RECK: variants seen among roughly 807,000 people sequenced by gnomAD.
RECK encodes reversion inducing cysteine rich protein with kazal motifs.
A neutral mutation model predicts 115.1 loss-of-function variants in RECK; 69 were observed. That is an observed-to-expected ratio of 0.60 (90% CI 0.49 to 0.73). The LOEUF is 0.73. Ranked by LOEUF, RECK falls within the 30% of genes least tolerant of loss-of-function variation. RECK has a pLI of 0.00. For synonymous variants in RECK, 414 were observed against 419.7 expected, an observed-to-expected ratio of 0.99 and a Z score of 0.17; for missense variants, 1,047 against 1,203.7, an observed-to-expected ratio of 0.87 and a Z score of 1.93.
intron 2 of RECK, 75 bp downstream of exon 2, chr9:36,052,398 C>T: frequency 9.0e-7 from 1 of 1,114,994 alleles, no homozygotes; most frequent in Non-Finnish European, 1.4e-6. Flanking sequence ...TTTGGGAGGC[C>T]AGGGTGGGAG....
rs986851701 is a variant in RECK, at chr9:36,089,903, C to T, written c.906-1261C>T. Reference sequence around the variant, plus strand: ...TAATTCCAGGGTGAGGCAGATGGATCGCCTGAGGTCAAGAGTTCCAGACCA... The same window carrying T: ...TAATTCCAGGGTGAGGCAGATGGATTGCCTGAGGTCAAGAGTTCCAGACCA... On this transcript the variant is annotated intron_variant, in intron 9 of 20. Coordinates refer to ENST00000377966, the MANE Select transcript of RECK (RefSeq NM_021111.3). Among the ~76,000 whole-genome samples, 86 of 151,658 alleles carry T rather than the reference C, an allele frequency of 5.7e-4. 3 individuals are homozygous for T. Among genetic ancestry groups the T allele is most frequent in the Admixed American group, 4.6e-3 (70 of 15,186 alleles).
intron 6 of RECK, 28 bp from the exon 7 acceptor site, chr9:36,080,577 T>C (rs750657818): frequency 6.4e-7 from 1 of 1,568,816 alleles, no homozygotes; most frequent in South Asian, 1.1e-5. Context: ...TGTTAATTTC[T>C]GTTTATTTGT....
intron 8 of RECK, among the ~76,000 whole-genome samples, chr9:36,086,797 A>G (rs112740719): frequency 6.6e-6 from 1 of 152,220 alleles, no homozygotes; most frequent in African/African-American, 2.4e-5. Flanking sequence ...GTTTGTTGCT[A>G]TAAAAATTAG....
chr9:36,042,441 TG>T (rs2132546603), intron 1 of RECK, among the ~76,000 whole-genome samples: 1 of 150,844 alleles, frequency 6.6e-6, no homozygotes, highest in Admixed American at 6.6e-5. Context: ...TGTGTGTGTG[TG>T]TGTGTGTGTG....
chr9:36,073,551 T>C (rs751380710), intron 6 of RECK, among the ~76,000 whole-genome samples: 2 of 152,174 alleles, frequency 1.3e-5, no homozygotes, highest in Admixed American at 6.5e-5. Flanking sequence ...CAAACTAGTT[T>C]TCCTGTGTCT....
intron 1 of RECK, among the ~76,000 whole-genome samples, chr9:36,038,646 C>T (rs1426806791): frequency 6.6e-6 from 1 of 152,094 alleles, no homozygotes; most frequent in Non-Finnish European, 1.5e-5. Context: ...TTATGAGAAT[C>T]GAGGTAATAC....
At chr9:36,120,092 G>A (rs942698702) in intron 18 of RECK, among the ~76,000 whole-genome samples, 2 of 151,926 alleles carry the variant, frequency 1.3e-5, no homozygotes, top group Non-Finnish European at 2.9e-5. Flanking sequence ...AAAATTAGCC[G>A]GGCATGGTGG....
chr9:36,082,189 C>CTCTCTCTCTCA (rs1228719052), intron 7 of RECK, among the ~76,000 whole-genome samples: 1 of 55,542 alleles, frequency 1.8e-5, no homozygotes. Context: ...TCTCTCTCTC[C>CTCTCTCTCTCA]TTTTTTCTTT....
Position 36,105,152 on chromosome 9 carries a change from C to A in RECK, c.1445C>A (p.Thr482Asn). ...GTTTTGGTTTTTTCAGGGCCAAGTA[C>A]TTTAGGTAACATTGTAGAAGAAGTG... ...IPLDTYLRPSTLGNIVEEVTH... is the reference protein window; with the variant it reads ...IPLDTYLRPSNLGNIVEEVTH... The change falls in exon 13 of 21, where the codon ACT becomes AAT. Residue 482 changes from threonine (T) to asparagine (N), a missense_variant. Thr to Asn is a moderately conservative substitution (Grantham distance 65). Coordinates refer to ENST00000377966, the MANE Select transcript of RECK (RefSeq NM_021111.3). 1 of 1,613,972 alleles carries A rather than the reference C, an allele frequency of 6.2e-7. No homozygotes were observed. The highest frequency in any genetic ancestry group is 1.1e-5 in the South Asian group (1 of 91,060).
intron 5 of RECK, among the ~76,000 whole-genome samples, chr9:36,064,157 G>T (rs2132589104): frequency 6.6e-6 from 1 of 152,244 alleles, no homozygotes; most frequent in East Asian, 1.9e-4. Context: ...TCCATACTTT[G>T]CCTGCAATCA....
chr9:36,037,132 T>G, intron 1 of RECK, 34 bp downstream of exon 1: 1 of 1,132,550 alleles, frequency 8.8e-7, no homozygotes. Context: ...TTCGAAGCTG[T>G]CGGGAGCGGC....
At chr9:36,041,444 G>T (rs1820860810) in intron 1 of RECK, among the ~76,000 whole-genome samples, 1 of 152,176 alleles carries the variant, frequency 6.6e-6, no homozygotes, top group Admixed American at 6.5e-5. Context: ...CTGTTGAAGA[G>T]GACTTCAGAA....
rs942590944 is a variant in RECK, at chr9:36,094,908, T to A, written c.1085+3565T>A. On this transcript the variant is annotated intron_variant, in intron 10 of 20. Coordinates refer to ENST00000377966, the MANE Select transcript of RECK (RefSeq NM_021111.3). This position sits in a 1 kb window ranked among gnomAD's most constrained non-coding sequence, Gnocchi z 4.1. ...AAAAAATCAGTGAGGATATAGAGGA[T>A]TTGAACAACATATGCTGGGTTAAAA... 3.3e-5 allele frequency among the ~76,000 whole-genome samples: 5 copies of A among 152,176 alleles called. No homozygotes were observed. Among genetic ancestry groups the A allele is most frequent in the Admixed American group, 1.3e-4 (2 of 15,266 alleles).
chr9:36,040,135 T>G (rs1820820687), intron 1 of RECK, among the ~76,000 whole-genome samples: 1 of 152,220 alleles, frequency 6.6e-6, no homozygotes, highest in Non-Finnish European at 1.5e-5. Context: ...CTGTTCTAGG[T>G]GCAGAGCTGC....
chr9:36,090,804 G>C (rs1466244394), intron 9 of RECK, among the ~76,000 whole-genome samples: 1 of 152,146 alleles, frequency 6.6e-6, no homozygotes, highest in Non-Finnish European at 1.5e-5. Context: ...ATATATCTTT[G>C]CAGAGGCAAA....
intron 1 of RECK, among the ~76,000 whole-genome samples, chr9:36,042,599 C>A (rs1272186286): frequency 1.3e-5 from 2 of 152,054 alleles, no homozygotes; most frequent in South Asian, 2.1e-4. Flanking sequence ...ATTTGGGCTG[C>A]TTCCATATTT....
At position 36,075,040 on chromosome 9, in the gene RECK, T is replaced by G. The variant is rs552574449; in HGVS notation, c.406-5565T>G. On this transcript the variant is annotated intron_variant, in intron 6 of 20. Transcript: ENST00000377966. ...ATCTTCTCCATGTTTTCCCCTCCCT[T>G]TAGCAGACTAGCTCAGGCATGTTCA... 9.2e-5 allele frequency among the ~76,000 whole-genome samples: 14 copies of G among 152,268 alleles called. No individual in the cohort carries two copies. The South Asian group carries it at 1.5e-3, about 16-fold the overall frequency.
Position 36,073,732 on chromosome 9 carries a change from C to T in RECK, c.406-6873C>T, listed in dbSNP as rs7865513. Among the ~76,000 whole-genome samples, 859 of 152,300 alleles carry T rather than the reference C, an allele frequency of 5.6e-3. 6 individuals carry two copies. The highest frequency in any genetic ancestry group is 0.02 in the African/African-American group (822 of 41,566). On this transcript the variant is annotated intron_variant, in intron 6 of 20. Transcript: ENST00000377966. Reference sequence around the variant, plus strand: ...TCTCAGTCTAGCTCCTGGTTCTTCTCTCTGTTACATTTAAGCAGCATGCTA... The same window carrying T: ...TCTCAGTCTAGCTCCTGGTTCTTCTTTCTGTTACATTTAAGCAGCATGCTA...
intron 19 of RECK, among the ~76,000 whole-genome samples, chr9:36,121,172 C>T (rs76725802): frequency 0.026 from 3,913 of 152,300 alleles, 178 homozygotes; most frequent in African/African-American, 0.088. Context: ...TTTTCTGCAC[C>T]ATCACAGGGC....
Sources: allele counts gnomAD v4.1 joint callset (sites outside exome capture counted in the v4.1 genomes callset), GRCh38; gene constraint gnomAD v4.1.1; non-coding constraint Gnocchi (gnomAD v3.1); transcripts MANE v1.5; gene names NCBI Gene and HGNC (gene_info 2026-07-23, HGNC 2026-07-21).